Variants in TSEN15 observed in about 807,000 individuals in gnomAD.
TSEN15 encodes tRNA-splicing endonuclease subunit Sen15.
A neutral mutation model predicts 20.5 loss-of-function variants in TSEN15; 10 were observed. The ratio of observed to expected loss-of-function variants is 0.49; its 90% CI spans 0.30 to 0.83. The LOEUF is 0.83. Among genes scored for constraint, TSEN15 ranks in the 40% least tolerant of loss-of-function variants. TSEN15 has a pLI of 0.06. For missense variants in TSEN15, 180 were observed against 218.6 expected, an observed-to-expected ratio of 0.82 and a Z score of 1.11; for synonymous variants, 72 against 80.1, an observed-to-expected ratio of 0.90 and a Z score of 0.54.
intron 3 of TSEN15, among the ~76,000 whole-genome samples, chr1:184,061,839 GC>G (rs1650467407): frequency 6.6e-6 from 1 of 152,032 alleles, no homozygotes; most frequent in Non-Finnish European, 1.5e-5. Context: ...ATACTTTCTG[GC>G]AAGAGTGTCG....
At position 184,072,211 on chromosome 1, in the gene TSEN15, G is replaced by A. The variant is rs199657425; in HGVS notation, c.408G>A (p.Pro136=). 1.9e-6 allele frequency: 3 copies of A among 1,613,396 alleles called. No individual in the cohort carries two copies. The highest frequency in any genetic ancestry group is 1.7e-5 in the Admixed American group (1 of 59,914). Residue 136 remains proline (P), a synonymous_variant, in exon 4 of 5, where the codon CCG becomes CCA. Coordinates refer to ENST00000645668, the MANE Select transcript of TSEN15 (RefSeq NM_052965.4). The part of the protein sequence containing the change: ...SRKLQGDPDL[P]MSFTLAIVES... ...AGTTGCAAGGTGATCCAGATTTGCC[G>A]ATGTCTTTTACTTTGGCCATAGTGG...
At chr1:184,065,580 T>C (rs1446246769) in intron 3 of TSEN15, among the ~76,000 whole-genome samples, 1 of 152,220 alleles carries the variant, frequency 6.6e-6, no homozygotes, top group Non-Finnish European at 1.5e-5. Context: ...TGTGTTGTTT[T>C]GCCTTTTCCA....
chr1:184,089,972 G>A (rs1320123345), intron 3 of TSEN15, among the ~76,000 whole-genome samples: 9 of 152,194 alleles, frequency 5.9e-5, no homozygotes, highest in Admixed American at 5.9e-4. Context: ...CAGTAGAATG[G>A]TTGCTGCCCA....
rs74131432 is a variant in TSEN15 at position 184,070,777 on chromosome 1, A to G, written c.354-1380A>G. 5,645 of 619,646 alleles carry G rather than the reference A, an allele frequency of 9.1e-3. 306 individuals are homozygous for G. The African/African-American group carries it at 0.1, about 11-fold the overall frequency. 38.4% of individuals were successfully genotyped at this position (619,646 alleles called of 1,614,324 possible). ...ATATCTATCGTTGCTTTATCAGAAT[A>G]TCTTTCTCTAAAGTAAATCATTCTT... On this transcript the variant is annotated intron_variant, in intron 3 of 4. Transcript: ENST00000645668.
At chr1:184,052,727 T>A in intron 1 of TSEN15, among the ~76,000 whole-genome samples, 1 of 152,116 alleles carries the variant, frequency 6.6e-6, no homozygotes, top group East Asian at 1.9e-4. Context: ...TCCTACTCTG[T>A]CCCCTTCATC....
At chr1:184,071,544 A>G (rs1049931805) in intron 3 of TSEN15, among the ~76,000 whole-genome samples, 1 of 152,026 alleles carries the variant, frequency 6.6e-6, no homozygotes, top group Non-Finnish European at 1.5e-5. Context: ...TATTTTTTAG[A>G]ATCAAGTTAG....
At chr1:184,053,806 G>A (rs1650141918) in intron 1 of TSEN15, among the ~76,000 whole-genome samples, 1 of 152,242 alleles carries the variant, frequency 6.6e-6, no homozygotes, top group South Asian at 2.1e-4. Flanking sequence ...TACTCTAGCA[G>A]ATTCTCTCCA....
At chr1:184,063,756 A>G (rs755167858) in intron 3 of TSEN15, among the ~76,000 whole-genome samples, 16 of 152,212 alleles carry the variant, frequency 1.1e-4, no homozygotes, top group Non-Finnish European at 2.1e-4. Flanking sequence ...GATAATATAA[A>G]TGGACGAATT....
chr1:184,059,886 A>G lies in TSEN15; in HGVS notation c.353+5023A>G, dbSNP rs1650386109. On this transcript the variant is annotated intron_variant, in intron 3 of 4. Coordinates refer to ENST00000645668, the MANE Select transcript of TSEN15 (RefSeq NM_052965.4). Reference sequence around the variant, plus strand: ...AGGCCTGGCCTATCCCTTCATCTCTACTGGTTATTGCTAAATTGTTTTCAA... The same window carrying G: ...AGGCCTGGCCTATCCCTTCATCTCTGCTGGTTATTGCTAAATTGTTTTCAA... Among the ~76,000 whole-genome samples, 3 of 152,172 alleles carry G rather than the reference A, an allele frequency of 2.0e-5. No individual in the cohort carries two copies. In the South Asian group the frequency reaches 6.2e-4, roughly 32 times the overall value.
At chr1:184,056,454 T>C (rs1454886067) in intron 3 of TSEN15, among the ~76,000 whole-genome samples, 2 of 152,148 alleles carry the variant, frequency 1.3e-5, no homozygotes, top group Non-Finnish European at 2.9e-5. Flanking sequence ...CTTGACCTAA[T>C]AGTTTTTTTA....
intron 3 of TSEN15, among the ~76,000 whole-genome samples, chr1:184,093,091 T>C (rs1651388353): frequency 6.6e-6 from 1 of 152,226 alleles, no homozygotes; most frequent in South Asian, 2.1e-4. Context: ...AAGATAAAAT[T>C]TTCTTTCCGA....
At chr1:184,070,306 A>C (rs1040086733) in intron 3 of TSEN15, among the ~76,000 whole-genome samples, 1 of 152,006 alleles carries the variant, frequency 6.6e-6, no homozygotes, top group Non-Finnish European at 1.5e-5. Context: ...GAAATGGAAA[A>C]TGTGTTAAAG....
chr1:184,089,869 C>T (rs1303446340), intron 3 of TSEN15, among the ~76,000 whole-genome samples: 1 of 152,094 alleles, frequency 6.6e-6, no homozygotes, highest in Non-Finnish European at 1.5e-5. Context: ...GATGCTTCCC[C>T]ATCATGCTCC....
In TSEN15 at chr1:184,069,463, A is replaced by G. The variant is rs149110106; in HGVS notation, c.354-2694A>G. On this transcript the variant is annotated intron_variant, in intron 3 of 4. Coordinates refer to ENST00000645668, the MANE Select transcript of TSEN15 (RefSeq NM_052965.4). The stretch of plus-strand genomic sequence containing the variant: ...TCCAGTATCTTCACAATATTTTTCC[A>G]AAGAACTGAGCTATTAAAATTTATA... 3.1e-3 allele frequency among the ~76,000 whole-genome samples: 469 copies of G among 152,224 alleles called. 2 individuals are homozygous for G. Among genetic ancestry groups the G allele is most frequent in the African/African-American group, 7.3e-3 (305 of 41,570 alleles).
At chr1:184,065,163 TAG>T (rs1650601287) in intron 3 of TSEN15, among the ~76,000 whole-genome samples, 1 of 151,172 alleles carries the variant, frequency 6.6e-6, no homozygotes, top group South Asian at 2.1e-4. Context: ...CCAAAAACCT[TAG>T]AGTCATTTTA....
At chr1:184,078,906 CA>C (rs1178684222), downstream of TSEN15, among the ~76,000 whole-genome samples, 6 of 152,120 alleles carry the variant, frequency 3.9e-5, no homozygotes, top group African/African-American at 1.4e-4. Context: ...TCTCTGAGGT[CA>C]CTTTTTCCAT....
intron 3 of TSEN15, among the ~76,000 whole-genome samples, chr1:184,088,449 A>C (rs772047350): frequency 5.3e-5 from 8 of 152,154 alleles, no homozygotes; most frequent in Non-Finnish European, 1.0e-4. Context: ...GGGAGGAGGA[A>C]GAGGAAAAGG....
chr1:184,052,130 C>T (rs939800958), intron 1 of TSEN15, among the ~76,000 whole-genome samples: 1 of 152,202 alleles, frequency 6.6e-6, no homozygotes, highest in Non-Finnish European at 1.5e-5. Context: ...CAGACAGTAA[C>T]TCCGCCCCTC....
chr1:184,062,782 C>CA (rs1368914737), intron 3 of TSEN15, among the ~76,000 whole-genome samples: 1 of 151,322 alleles, frequency 6.6e-6, no homozygotes, highest in African/African-American at 2.4e-5. Flanking sequence ...GACCCAATGT[C>CA]ACCTCCCAAT....
Sources: allele counts gnomAD v4.1 joint callset (sites outside exome capture counted in the v4.1 genomes callset), GRCh38; gene constraint gnomAD v4.1.1; transcripts MANE v1.5; gene names NCBI Gene and HGNC (gene_info 2026-07-23, HGNC 2026-07-21).